Variants in NEK1 observed in about 807,000 individuals in gnomAD.
The protein encoded by NEK1 is serine/threonine-protein kinase Nek1.
NEK1 carries 137 observed loss-of-function variants against 182.1 expected under a neutral mutation model. That is an observed-to-expected ratio of 0.75 (90% CI 0.65 to 0.87). The LOEUF (loss-of-function observed/expected upper bound fraction) is 0.87. Among genes scored for constraint, NEK1 ranks in the 40% least tolerant of loss-of-function variants. The probability of loss-of-function intolerance (pLI) is 0.00; values close to 1 mark genes in which losing one functional copy is unlikely to be tolerated. For missense variants in NEK1, 1,391 were observed against 1,494.4 expected (o/e 0.93, Z 1.14); for synonymous variants, 513 against 492.2 (o/e 1.04, Z -0.56).
chr4:169,602,473 C>G (rs570356494), intron 3 of NEK1, 41 bp downstream of exon 3: 3 of 1,051,212 alleles, frequency 2.9e-6, no homozygotes, highest in Non-Finnish European at 2.9e-6. Flanking sequence ...TCTATTGTAA[C>G]TAAACCATTA....
chr4:169,433,010 C>T (rs1737721571), intron 29 of NEK1, among the ~76,000 whole-genome samples: 2 of 151,762 alleles, frequency 1.3e-5, no homozygotes, highest in Admixed American at 1.3e-4. Flanking sequence ...GGTGATCCGT[C>T]CTCCTCGGCC....
intron 26 of NEK1, among the ~76,000 whole-genome samples, chr4:169,469,844 G>A (rs771809621): frequency 3.3e-5 from 5 of 151,582 alleles, no homozygotes; most frequent in Non-Finnish European, 7.4e-5. Flanking sequence ...AGAGCTTCTC[G>A]TTGCATTGAT....
At position 169,416,501 on chromosome 4, in the gene NEK1, G is replaced by A. The variant is rs1316562956; in HGVS notation, c.3222+8052C>T. On this transcript the variant is annotated intron_variant, in intron 31 of 35. Transcript: ENST00000507142. ...ACTGACAGCATAAAGATATATTAATGTACATCTTATTTAAGACAGATCTTT... is the reference window on the plus strand; with the variant it reads ...ACTGACAGCATAAAGATATATTAATATACATCTTATTTAAGACAGATCTTT... Among the ~76,000 whole-genome samples, 4 of 152,198 alleles carry A rather than the reference G, an allele frequency of 2.6e-5. No homozygotes were observed. The South Asian group carries it at 8.3e-4, about 32-fold the overall frequency.
chr4:169,487,057 C>T (rs1374647020), intron 23 of NEK1, among the ~76,000 whole-genome samples: 1 of 152,062 alleles, frequency 6.6e-6, no homozygotes, highest in Non-Finnish European at 1.5e-5. Flanking sequence ...ATCTAAATCC[C>T]AATTGGTACT....
chr4:169,470,348 G>T (rs1745725526), intron 26 of NEK1, among the ~76,000 whole-genome samples: 1 of 152,058 alleles, frequency 6.6e-6, no homozygotes, highest in Admixed American at 6.6e-5. Context: ...CTTAGCATTT[G>T]CTTGTCTGTA....
chr4:169,447,471 G>A (rs533797646), intron 27 of NEK1, among the ~76,000 whole-genome samples: 9 of 152,260 alleles, frequency 5.9e-5, no homozygotes, highest in African/African-American at 1.7e-4. Flanking sequence ...ATCTGAAGGT[G>A]TAAAATTCAC....
intron 26 of NEK1, among the ~76,000 whole-genome samples, chr4:169,466,389 G>A (rs1234850396): frequency 2.0e-5 from 3 of 151,962 alleles, no homozygotes; most frequent in African/African-American, 7.3e-5. Flanking sequence ...TGAAACCAAG[G>A]CTACAGGGAA....
At chr4:169,565,269 C>T (rs146275190) in intron 12 of NEK1, among the ~76,000 whole-genome samples, 2 of 152,154 alleles carry the variant, frequency 1.3e-5, no homozygotes, top group African/African-American at 4.8e-5. Context: ...ATACACACCC[C>T]TAAGTTTCAT....
intron 2 of NEK1, among the ~76,000 whole-genome samples, chr4:169,607,416 T>C (rs1369476905): frequency 6.6e-6 from 1 of 152,164 alleles, no homozygotes; most frequent in East Asian, 1.9e-4. Flanking sequence ...ATAAAACAGA[T>C]TTTTTAAAAG....
rs144358417 is a variant in NEK1 at position 169,406,807 on chromosome 4, G to A, written c.3223-60C>T. The A allele has an allele frequency of 1.8e-5, 25 of 1,398,304 alleles. No individual in the cohort carries two copies. In the East Asian group the frequency reaches 6.0e-4, roughly 34 times the overall value. 86.6% of individuals were successfully genotyped at this position (1,398,304 alleles called of 1,614,324 possible). The stretch of plus-strand genomic sequence containing the variant: ...AAAGATAATTAAAACATAAAAATGA[G>A]AGAAAACTAGAACTAATCACAATTT... On this transcript the variant is annotated intron_variant, in intron 31 of 35. Coordinates refer to ENST00000507142, the MANE Select transcript of NEK1 (RefSeq NM_001199397.3).
intron 10 of NEK1, among the ~76,000 whole-genome samples, chr4:169,583,749 C>T (rs35301337): frequency 0.17 from 25,944 of 152,174 alleles, 2,844 homozygotes; most frequent in South Asian, 0.31. Context: ...TCCTCGCAAA[C>T]GTTATTTATA....
chr4:169,510,848 C>T (rs1465518866), intron 19 of NEK1, among the ~76,000 whole-genome samples: 1 of 152,148 alleles, frequency 6.6e-6, no homozygotes, highest in Non-Finnish European at 1.5e-5. Context: ...GGTAACTCTA[C>T]TCATCTTCCA....
At chr4:169,417,558 T>G (rs1183194364) in intron 31 of NEK1, among the ~76,000 whole-genome samples, 2 of 152,148 alleles carry the variant, frequency 1.3e-5, no homozygotes, top group Non-Finnish European at 2.9e-5. Context: ...TAAAGTTGAG[T>G]ATCATCAGCA....
chr4:169,594,749 T>C (rs1769144600), intron 5 of NEK1, among the ~76,000 whole-genome samples: 1 of 152,226 alleles, frequency 6.6e-6, no homozygotes, highest in South Asian at 2.1e-4. Context: ...CTGGGAAGAC[T>C]TGCCAAATCT....
At chr4:169,460,136 C>A (rs1051840005) in intron 27 of NEK1, among the ~76,000 whole-genome samples, 1 of 152,012 alleles carries the variant, frequency 6.6e-6, no homozygotes, top group Non-Finnish European at 1.5e-5. Flanking sequence ...AGGGCATATA[C>A]AGGAACTCTG....
At chr4:169,422,227 T>C (rs1193016533) in intron 31 of NEK1, among the ~76,000 whole-genome samples, 2 of 152,308 alleles carry the variant, frequency 1.3e-5, no homozygotes, top group East Asian at 3.9e-4. Context: ...AGTGAATGTA[T>C]GTGGAAACTG....
rs200190997 is a variant in NEK1 at position 169,545,053 on chromosome 4, C to CTT, written c.1563-7144_1563-7143dup. Among the ~76,000 whole-genome samples, 132 of 137,890 alleles carry CTT rather than the reference C, an allele frequency of 9.6e-4. 1 individual carries two copies. The highest frequency in any genetic ancestry group is 3.7e-3 in the Middle Eastern group (1 of 268). 90.5% of individuals were successfully genotyped at this position (137,890 alleles called of 152,430 possible). ...TTTGTTTGCTCTTGCTTCTCTGATT[C>CTT]TTTTTTTTTTTTTTTATACTTTAAG... On this transcript the variant is annotated intron_variant, in intron 18 of 35. Coordinates refer to ENST00000507142, the MANE Select transcript of NEK1 (RefSeq NM_001199397.3).
chr4:169,431,592 T>A (rs1340336782), intron 29 of NEK1, among the ~76,000 whole-genome samples: 1 of 151,892 alleles, frequency 6.6e-6, no homozygotes. Context: ...CAGATTTACA[T>A]GTAAAAAAAT....
At chr4:169,426,409 C>T (rs1244265900) in intron 29 of NEK1, among the ~76,000 whole-genome samples, 175 bp from the exon 30 acceptor site, 1 of 152,144 alleles carries the variant, frequency 6.6e-6, no homozygotes, top group Non-Finnish European at 1.5e-5. Context: ...TATTTTTCAC[C>T]CTGTTCAAAT....
Sources: allele counts gnomAD v4.1 joint callset (sites outside exome capture counted in the v4.1 genomes callset), GRCh38; gene constraint gnomAD v4.1.1; transcripts MANE v1.5; gene names NCBI Gene and HGNC (gene_info 2026-07-23, HGNC 2026-07-21).